The following CDK15 variants were observed in gnomAD, a reference collection of about 807,000 sequenced individuals.
CDK15 encodes the protein cyclin-dependent kinase 15.
In CDK15, 62 loss-of-function variants were observed where a neutral mutation model predicts 60.3. The ratio of observed to expected loss-of-function variants is 1.03; its 90% confidence interval spans 0.84 to 1.27. The LOEUF (loss-of-function observed/expected upper bound fraction) is 1.27. CDK15 is among the 50% of genes most tolerant of loss of function. CDK15 has a pLI of 0.00. For synonymous variants in CDK15, 194 were observed against 195.7 expected (o/e 0.99, Z 0.07); for missense variants, 541 against 527.8 (o/e 1.03, Z -0.25).
At chr2:201,868,100 G>T (rs1698702605) in intron 10 of CDK15, among the ~76,000 whole-genome samples, 1 of 152,200 alleles carries the variant, frequency 6.6e-6, no homozygotes, top group Non-Finnish European at 1.5e-5. Flanking sequence ...AGGAACTGGG[G>T]CTTGGAGCAA....
chr2:201,834,410 T>C (rs752097028), intron 7 of CDK15, among the ~76,000 whole-genome samples: 6 of 152,222 alleles, frequency 3.9e-5, no homozygotes, highest in Non-Finnish European at 8.8e-5. Flanking sequence ...TCTCCTACCT[T>C]CTTTATATAA....
intron 4 of CDK15, among the ~76,000 whole-genome samples, chr2:201,822,059 GAC>G (rs1453991714): frequency 6.6e-6 from 1 of 152,102 alleles, no homozygotes; most frequent in Non-Finnish European, 1.5e-5. Flanking sequence ...AAGCTCCAAA[GAC>G]ACACTTTCAA....
At chr2:201,871,707 C>G (rs1261557759) in intron 10 of CDK15, among the ~76,000 whole-genome samples, 3 of 152,116 alleles carry the variant, frequency 2.0e-5, no homozygotes, top group Non-Finnish European at 4.4e-5. Context: ...AACAAAGTCA[C>G]AAACTGGGTG....
At chr2:201,873,982 A>T (rs982555363) in intron 11 of CDK15, among the ~76,000 whole-genome samples, 60 of 141,892 alleles carry the variant, frequency 4.2e-4, no homozygotes, top group African/African-American at 1.7e-3. Flanking sequence ...TGAACCCGGG[A>T]GGCGGAGGTT....
chr2:201,855,045 G>A, intron 10 of CDK15, 108 bp downstream of exon 10: 3 of 917,134 alleles, frequency 3.3e-6, no homozygotes, highest in South Asian at 1.4e-5. Context: ...GCAAAGATGG[G>A]TGTAGAGGAA....
rs5837794 is a variant in CDK15 at position 201,894,073 on chromosome 2, CCACA to C, written c.*844_*847del. On this transcript the variant is annotated 3_prime_UTR_variant, in exon 14 of 14. Transcript: ENST00000652192. Reference sequence around the variant, plus strand: ...ATGTAATTTAAGCCCTGTTGCACCACCACACACACACACACACACACACACACAC... The same window carrying C: ...ATGTAATTTAAGCCCTGTTGCACCACCACACACACACACACACACACACAC... 0.43 allele frequency: 62,017 copies of C among 144,162 alleles called. 13,917 individuals carry two copies. Among genetic ancestry groups the C allele is most frequent in the South Asian group, 0.57 (2,518 of 4,430 alleles). The allele number at this position is 144,162 out of a possible 1,614,324, so 8.9% of individuals were successfully genotyped here.
intron 10 of CDK15, among the ~76,000 whole-genome samples, chr2:201,866,697 G>T (rs1470251322): frequency 6.6e-6 from 1 of 152,170 alleles, no homozygotes; most frequent in African/African-American, 2.4e-5. Flanking sequence ...AGAGAAACCA[G>T]ACTCCTCTTG....
chr2:201,814,446 G>A (rs963973663), intron 4 of CDK15, among the ~76,000 whole-genome samples: 2 of 152,166 alleles, frequency 1.3e-5, no homozygotes, highest in African/African-American at 2.4e-5. Flanking sequence ...AACAATGAAT[G>A]TTTCTTTTTA....
chr2:201,877,130 CT>C (rs1699108211), intron 11 of CDK15, among the ~76,000 whole-genome samples: 1 of 152,174 alleles, frequency 6.6e-6, no homozygotes, highest in Non-Finnish European at 1.5e-5. Context: ...AGGGGTGCCC[CT>C]AATACCCCTG....
intron 12 of CDK15, among the ~76,000 whole-genome samples, chr2:201,885,525 T>C (rs1699423555): frequency 1.3e-5 from 2 of 152,200 alleles, no homozygotes; most frequent in South Asian, 4.1e-4. Context: ...TCACCTTCTA[T>C]GCACAAAGTT....
chr2:201,841,744 G>T (rs549334915), intron 8 of CDK15, among the ~76,000 whole-genome samples: 1 of 152,292 alleles, frequency 6.6e-6, no homozygotes, highest in South Asian at 2.1e-4. Context: ...TGGCAGCAGT[G>T]TCAGTAGGGG....
chr2:201,895,054 C>T lies in CDK15; in HGVS notation c.*1787C>T, dbSNP rs1392497250. The stretch of plus-strand genomic sequence containing the variant: ...ACCAATCGAAAGCTCAGGGATGCTA[C>T]TGTTGACGCATCAGCAAGAGTTCTT... On this transcript the variant is annotated 3_prime_UTR_variant, in exon 14 of 14. Transcript: ENST00000652192. 3 of 152,228 alleles carry T rather than the reference C, an allele frequency of 2.0e-5. No homozygotes were observed. Among genetic ancestry groups the T allele is most frequent in the African/African-American group, 4.8e-5 (2 of 41,470 alleles). The allele number at this position is 152,228 out of a possible 1,614,324, so 9.4% of individuals were successfully genotyped here.
At chr2:201,847,550 A>C in intron 9 of CDK15, 76 bp downstream of exon 9, 1 of 1,236,012 alleles carries the variant, frequency 8.1e-7, no homozygotes, top group South Asian at 1.2e-5. Context: ...TTACAGACAA[A>C]TGAAGCAGTC....
chr2:201,847,600 G>T (rs1323367410), intron 9 of CDK15, 126 bp downstream of exon 9: 18 of 781,770 alleles, frequency 2.3e-5, no homozygotes, highest in Non-Finnish European at 3.7e-5. Context: ...TAAGATTGTA[G>T]AAACTGTAGC....
At chr2:201,858,160 A>G (rs1574910608) in intron 10 of CDK15, among the ~76,000 whole-genome samples, 1 of 152,256 alleles carries the variant, frequency 6.6e-6, no homozygotes. Context: ...TTCCATTTGT[A>G]CAGCTTTTAA....
chr2:201,851,741 C>A, intron 9 of CDK15, among the ~76,000 whole-genome samples: 1 of 152,110 alleles, frequency 6.6e-6, no homozygotes. Context: ...CTCATTGCAA[C>A]CTCCACCTCC....
chr2:201,880,287 A>C, intron 12 of CDK15, 120 bp downstream of exon 12: 1 of 1,225,166 alleles, frequency 8.2e-7, no homozygotes, highest in Non-Finnish European at 1.1e-6. Context: ...TACCCCCAGG[A>C]GTGAAGTTAG....
chr2:201,878,418 C>A (rs372025879), intron 11 of CDK15, among the ~76,000 whole-genome samples: 108 of 152,268 alleles, frequency 7.1e-4, no homozygotes, highest in African/African-American at 2.5e-3. Context: ...AGATCCCTGT[C>A]AGTCAAGGCC....
At chr2:201,807,108 A>G (rs1695544326) in intron 1 of CDK15, among the ~76,000 whole-genome samples, 2 of 152,176 alleles carry the variant, frequency 1.3e-5, no homozygotes, top group African/African-American at 2.4e-5. Flanking sequence ...ATTAGTTGGT[A>G]TGCTATGGAT....
Sources: gnomAD v4.1 joint callset for allele counts (sites outside exome capture counted in the v4.1 genomes callset) on GRCh38, gnomAD v4.1.1 for gene constraint, MANE v1.5 for transcripts, NCBI Gene and HGNC (gene_info 2026-07-23, HGNC 2026-07-21) for gene names.